The following SAMD11 variants were observed in gnomAD, a reference collection of about 807,000 sequenced individuals.
SAMD11 encodes the protein sterile alpha motif domain containing 11.
SAMD11 carries 77 observed loss-of-function variants against 64.4 expected under a neutral mutation model. The ratio of observed to expected loss-of-function variants is 1.20; its 90% CI spans 0.99 to 1.44. The LOEUF (loss-of-function observed/expected upper bound fraction) is 1.44, where lower values mean the gene tolerates loss of function less well. Ranked by LOEUF, SAMD11 falls within the 40% of genes most tolerant of loss-of-function variation. SAMD11 has a pLI of 0.00. For missense variants in SAMD11, 1,402 were observed against 943.3 expected, an observed-to-expected ratio of 1.49 and a Z score of -6.37; for synonymous variants, 658 against 421.9, an observed-to-expected ratio of 1.56 and a Z score of -6.86.
chr1:926,096 G>C, intron 2 of SAMD11, 83 bp downstream of exon 2: 7 of 1,358,860 alleles, frequency 5.2e-6, no homozygotes, highest in South Asian at 4.7e-5. Flanking sequence ...TTTCAGGATC[G>C]AGAGTCCTAA....
rs1569853347 is a variant in SAMD11, at chr1:924,136, G to A, written c.-296G>A. ...GCGGGCGCTGGTGGCCGGGGCGCGG[G>A]ACTCCAGACGCCCCGGGGAGCCCCG... On this transcript the variant is annotated 5_prime_UTR_variant, in exon 1 of 14. Coordinates refer to ENST00000616016, the MANE Select transcript of SAMD11 (RefSeq NM_001385641.1). 6.7e-6 allele frequency: 1 copy of A among 149,618 alleles called. No homozygotes were observed. Among genetic ancestry groups the A allele is most frequent in the South Asian group, 2.1e-4 (1 of 4,828 alleles). The allele number at this position is 149,618 out of a possible 1,614,324, so 9.3% of individuals were successfully genotyped here. A position where few individuals can be genotyped will look rare whatever the true frequency, so the allele number is the denominator to read the frequency against.
chr1:938,907 G>A (rs1641600808), intron 5 of SAMD11, 133 bp from the exon 6 acceptor site: 1 of 780,120 alleles, frequency 1.3e-6, no homozygotes, highest in Admixed American at 2.1e-5. Context: ...GCCAGGGCTG[G>A]GCAAGGCCTG....
chr1:937,149 C>T (rs574107243), intron 5 of SAMD11, among the ~76,000 whole-genome samples: 58 of 152,274 alleles, frequency 3.8e-4, no homozygotes, highest in African/African-American at 1.4e-3. Context: ...GGAGCCTCCT[C>T]TTGGAGGGGC....
intron 7 of SAMD11, 86 bp from the exon 8 acceptor site, chr1:941,058 C>T (rs1641734886): frequency 2.3e-6 from 3 of 1,286,474 alleles, no homozygotes; most frequent in Non-Finnish European, 3.3e-6. Flanking sequence ...GGTCAGTTCC[C>T]CACCTCAGTG....
intron 5 of SAMD11, among the ~76,000 whole-genome samples, chr1:938,435 C>T (rs1423231205): frequency 1.3e-5 from 2 of 152,194 alleles, no homozygotes; most frequent in African/African-American, 2.4e-5. Context: ...ATGACAGCCA[C>T]GCCAGGGTGC....
chr1:942,623 G>T lies in SAMD11; in HGVS notation c.1618G>T (p.Ala540Ser), dbSNP rs969169496. The change falls in exon 11 of 14, where the codon GCG becomes TCG. Residue 540 changes from alanine (A) to serine (S), a missense_variant. Transcript: ENST00000616016. ...ELESARPQLL[A>S]PETALRPNDG... is the part of the protein sequence containing the mutation. ...GGAGAGCGCGCGCCCACAGCTGCTG[G>T]CGCCCGAGACCGCCCTGCGCCCCAA... 6 of 1,439,970 alleles carry T rather than the reference G, an allele frequency of 4.2e-6. No individual in the cohort carries two copies. The African/African-American group carries it at 7.5e-5, about 18-fold the overall frequency. The allele number at this position is 1,439,970 out of a possible 1,614,324, so 89.2% of individuals were successfully genotyped here.
chr1:938,839 CT>C (rs1557606813), intron 5 of SAMD11, among the ~76,000 whole-genome samples, 200 bp from the exon 6 acceptor site: 3 of 152,184 alleles, frequency 2.0e-5, no homozygotes, highest in Admixed American at 6.5e-5. Context: ...CAGAGCTCCC[CT>C]GTGCCCCTGT....
chr1:930,379 G>A, intron 3 of SAMD11, 43 bp downstream of exon 3: 1 of 1,548,118 alleles, frequency 6.5e-7, no homozygotes, highest in Non-Finnish European at 8.8e-7. Context: ...AGGCTCAGAT[G>A]GGGCTGGAGC....
intron 5 of SAMD11, among the ~76,000 whole-genome samples, chr1:937,964 G>T (rs1054104093): frequency 1.3e-5 from 2 of 152,214 alleles, no homozygotes; most frequent in African/African-American, 2.4e-5. Flanking sequence ...GGGGGGACGG[G>T]CTTGGGAGCC....
Position 939,282 on chromosome 1 carries a change from G to A in SAMD11, c.1065G>A (p.Leu355=), listed in dbSNP as rs1268416816. 6.2e-7 allele frequency: 1 copy of A among 1,602,890 alleles called. No individual in the cohort carries two copies. The highest frequency in any genetic ancestry group is 1.1e-5 in the South Asian group (1 of 89,282). ...CCGGGTCCTCCCCAGCAGAGGCGCT[G>A]CTGCTGCCGCGGGAGCTGGGGCCCA... is the stretch of plus-strand genomic sequence containing the variant. ...RARSESPQEA[L]LLPRELGPSM... The change falls in exon 7 of 14, where the codon CTG becomes CTA. Residue 355 remains leucine, a synonymous_variant. Coordinates refer to ENST00000616016, the MANE Select transcript of SAMD11 (RefSeq NM_001385641.1).
chr1:925,851 C>G (rs749334229), intron 1 of SAMD11, 71 bp from the exon 2 acceptor site: 6 of 1,112,248 alleles, frequency 5.4e-6, no homozygotes, highest in Non-Finnish European at 8.2e-6. Flanking sequence ...GGAGGGGGTA[C>G]TGGCCCTGCC....
At chr1:938,868 TG>T (rs1641598518) in intron 5 of SAMD11, among the ~76,000 whole-genome samples, 171 bp from the exon 6 acceptor site, 1 of 152,020 alleles carries the variant, frequency 6.6e-6, no homozygotes, top group Non-Finnish European at 1.5e-5. Flanking sequence ...CAGCCAGGCG[TG>T]ATGTCCTCTG....
In SAMD11 at chr1:944,494, T is replaced by TTCAGCAGCC. The variant is rs1642027993; in HGVS notation, c.*342_*350dup. ...CTTCAGCAGCCCACAGCTGTGGGGC[T>TTCAGCAGCC]TCAGCAGCCACACCAGCCCAGCCCA... On this transcript the variant is annotated 3_prime_UTR_variant, in exon 14 of 14. Coordinates refer to ENST00000616016, the MANE Select transcript of SAMD11 (RefSeq NM_001385641.1). 4 of 655,320 alleles carry TTCAGCAGCC rather than the reference T, an allele frequency of 6.1e-6. No homozygotes were observed. Among genetic ancestry groups the TTCAGCAGCC allele is most frequent in the Non-Finnish European group, 9.9e-6 (4 of 403,344 alleles). 40.6% of individuals were successfully genotyped at this position (655,320 alleles called of 1,614,324 possible).
rs139570490 is a variant in SAMD11, at chr1:930,358, A to G, written c.791+22A>G. ...GAAGGTACTTGGACCAGGGCCGGAC[A>G]GGAAGGCGCAAGGCTCAGATGGGGC... On this transcript the variant is annotated intron_variant, in intron 3 of 13. Coordinates refer to ENST00000616016, the MANE Select transcript of SAMD11 (RefSeq NM_001385641.1). 6,468 of 1,581,464 alleles carry G rather than the reference A, an allele frequency of 4.1e-3. 22 individuals carry two copies. Among genetic ancestry groups the G allele is most frequent in the Middle Eastern group, 0.011 (69 of 6,000 alleles).
chr1:943,965 C>G lies in SAMD11; in HGVS notation c.2347C>G (p.Leu783Val). The G allele has an allele frequency of 6.2e-7, 1 of 1,612,822 alleles. No homozygotes were observed. Among genetic ancestry groups the G allele is most frequent in the South Asian group, 1.1e-5 (1 of 91,076 alleles). ...YVASFPVALP[L>V]QPPTLRAPER... is the part of the protein sequence containing the mutation. The stretch of plus-strand genomic sequence containing the variant: ...GGCCAGCTTCCCCGTGGCTCTGCCA[C>G]TGCAGCCACCAACCCTGCGGGCCCC... The change falls in exon 14 of 14, where the codon CTG becomes GTG. Residue 783 changes from leucine to valine, a missense_variant. By Grantham distance (32) the Leu-to-Val change is conservative. Coordinates refer to ENST00000616016, the MANE Select transcript of SAMD11 (RefSeq NM_001385641.1).
At chr1:931,164 G>C in intron 4 of SAMD11, 75 bp downstream of exon 4, 1 of 1,213,932 alleles carries the variant, frequency 8.2e-7, no homozygotes, top group East Asian at 3.1e-5. Flanking sequence ...ACCGTGCCCT[G>C]CTGTCTGCTG....
In SAMD11 at chr1:943,044, C is replaced by T. The variant is rs1189358808; in HGVS notation, c.2039C>T (p.Pro680Leu). ...CTGGGCTTCCCTTATGCCGTCAGCC[C>T]CTACTTCCACACAGGTGGGCACCCC... ...LPLGFPYAVSPYFHTGAVGGL... is the reference protein window; with the variant it reads ...LPLGFPYAVSLYFHTGAVGGL... The change falls in exon 11 of 14, where the codon CCC becomes CTC. Residue 680 changes from proline to leucine, a missense_variant. Pro to Leu is a moderately conservative substitution (Grantham distance 98). Transcript: ENST00000616016. The T allele has an allele frequency of 3.3e-6, 5 of 1,531,898 alleles. No homozygotes were observed. The highest frequency in any genetic ancestry group is 3.5e-6 in the Non-Finnish European group (4 of 1,141,144). The allele number at this position is 1,531,898 out of a possible 1,614,324, so 94.9% of individuals were successfully genotyped here. A position where few individuals can be genotyped will look rare whatever the true frequency, so the allele number is the denominator to read the frequency against.
In SAMD11 at chr1:939,173, G is replaced by A. The variant is rs539187646; in HGVS notation, c.1057+44G>A. ...CGAGAGACAGGTCACCAGGGGAGGG[G>A]GCAGTCCCTGAGGGTCCCCTGGACC... On this transcript the variant is annotated intron_variant, in intron 6 of 13. Transcript: ENST00000616016. 60 of 1,554,564 alleles carry A rather than the reference G, an allele frequency of 3.9e-5. 1 individual carries two copies. The South Asian group carries it at 6.3e-4, about 16-fold the overall frequency.
intron 8 of SAMD11, 139 bp from the exon 9 acceptor site, chr1:941,997 G>T (rs1325304097): frequency 2.6e-6 from 1 of 383,514 alleles, no homozygotes; most frequent in Non-Finnish European, 4.6e-6. Flanking sequence ...CGGGGATGGC[G>T]CGCGACCTGG....
Sources: allele counts gnomAD v4.1 joint callset (sites outside exome capture counted in the v4.1 genomes callset), GRCh38; gene constraint gnomAD v4.1.1; transcripts MANE v1.5; gene names NCBI Gene and HGNC (gene_info 2026-07-23, HGNC 2026-07-21).